Variants in MCPH1 observed in about 807,000 individuals in gnomAD.
MCPH1 encodes the protein microcephalin.
A neutral mutation model predicts 84.5 loss-of-function variants in MCPH1; 104 were observed. The observed-to-expected ratio is 1.23, with a 90% CI of 1.05 to 1.45. The LOEUF (loss-of-function observed/expected upper bound fraction) is 1.45, where lower values mean the gene tolerates loss of function less well. Among genes scored for constraint, MCPH1 ranks in the 40% most tolerant of loss-of-function variants. The pLI, the probability that MCPH1 is intolerant of heterozygous loss-of-function variation, is 0.00. For synonymous variants in MCPH1, 514 were observed against 366.8 expected, an observed-to-expected ratio of 1.40 and a Z score of -4.58; for missense variants, 1,498 against 1,005.7, an observed-to-expected ratio of 1.49 and a Z score of -6.62.
At chr8:6,419,643 C>A (rs2129552388) in intron 3 of MCPH1, among the ~76,000 whole-genome samples, 1 of 151,196 alleles carries the variant, frequency 6.6e-6, no homozygotes, top group South Asian at 2.1e-4. Flanking sequence ...ACCTTGTGAT[C>A]CACCTGCCTT....
intron 12 of MCPH1, among the ~76,000 whole-genome samples, chr8:6,604,384 T>C (rs1829596879): frequency 6.6e-6 from 1 of 152,258 alleles, no homozygotes; most frequent in Non-Finnish European, 1.5e-5. Context: ...TAGACTCCAC[T>C]ACCCTAATGA....
chr8:6,420,081 C>G (rs994630628), intron 3 of MCPH1, among the ~76,000 whole-genome samples: 2 of 151,286 alleles, frequency 1.3e-5, no homozygotes, highest in Non-Finnish European at 1.5e-5. Context: ...TCGTGTATCT[C>G]GTTTGCGTTT....
chr8:6,636,548 T>C (rs781151751), intron 13 of MCPH1, among the ~76,000 whole-genome samples: 27 of 152,130 alleles, frequency 1.8e-4, no homozygotes, highest in Non-Finnish European at 3.2e-4. Context: ...GCTGCGATCA[T>C]AGCTCATTGC....
intron 12 of MCPH1, among the ~76,000 whole-genome samples, chr8:6,561,789 ATTAT>A (rs766141016): frequency 5.3e-5 from 8 of 152,210 alleles, no homozygotes; most frequent in Admixed American, 6.5e-5. Context: ...GTGAAAAAAA[ATTAT>A]TTATGAAAGA....
At chr8:6,487,066 A>T (rs1179074020) in intron 11 of MCPH1, among the ~76,000 whole-genome samples, 1 of 152,242 alleles carries the variant, frequency 6.6e-6, no homozygotes, top group African/African-American at 2.4e-5. Context: ...GGAATAACTC[A>T]GCCTGTATTC....
chr8:6,609,819 G>GCCCCCCCCCC lies in MCPH1; in HGVS notation c.2215-11634_2215-11625dup, dbSNP rs11280683. On this transcript the variant is annotated intron_variant, in intron 12 of 13. Transcript: ENST00000344683. The stretch of plus-strand genomic sequence containing the variant: ...TCTCATTATCAAAGCAATGCCCCCC[G>GCCCCCCCCCC]CCCCCCCCCCACACACAGACTGCCA... 5.2e-4 allele frequency among the ~76,000 whole-genome samples: 54 copies of GCCCCCCCCCC among 104,056 alleles called. 7 individuals carry two copies. Among genetic ancestry groups the GCCCCCCCCCC allele is most frequent in the South Asian group, 1.3e-3 (3 of 2,224 alleles). 68.3% of individuals were successfully genotyped at this position (104,056 alleles called of 152,430 possible). A position where few individuals can be genotyped will look rare whatever the true frequency, so the allele number is the denominator to read the frequency against.
At chr8:6,585,482 T>G (rs1229941784) in intron 12 of MCPH1, among the ~76,000 whole-genome samples, 2 of 152,230 alleles carry the variant, frequency 1.3e-5, no homozygotes, top group Admixed American at 6.5e-5. Context: ...GCTGGAGCCA[T>G]TGTCGGCCGC....
rs1233094247 is a variant in MCPH1, at chr8:6,647,669, A to G, written c.*4620A>G. The G allele has an allele frequency of 6.6e-6, 1 of 152,216 alleles. No individual in the cohort carries two copies. The highest frequency in any genetic ancestry group is 2.4e-5 in the African/African-American group (1 of 41,450). 9.4% of individuals were successfully genotyped at this position (152,216 alleles called of 1,614,324 possible). A position where few individuals can be genotyped will look rare whatever the true frequency, so the allele number is the denominator to read the frequency against. Reference sequence around the variant, plus strand: ...AAAGAGGTCAGACACAAAAGACTACAAATTGTAAGATTCCATTTAGATACC... The same window carrying G: ...AAAGAGGTCAGACACAAAAGACTACGAATTGTAAGATTCCATTTAGATACC... On this transcript the variant is annotated 3_prime_UTR_variant, in exon 14 of 14. Transcript: ENST00000344683.
chr8:6,492,562 G>A (rs1223779978), intron 11 of MCPH1, among the ~76,000 whole-genome samples: 1 of 151,084 alleles, frequency 6.6e-6, no homozygotes. Flanking sequence ...CCTGTGTCCT[G>A]AATATTATTG....
Position 6,409,163 on chromosome 8 carries a change from G to A in MCPH1, c.23-116G>A, listed in dbSNP as rs1798185104. 1.1e-5 allele frequency: 9 copies of A among 853,130 alleles called. No homozygotes were observed. The East Asian group carries it at 1.8e-4, about 17-fold the overall frequency. 52.8% of individuals were successfully genotyped at this position (853,130 alleles called of 1,614,324 possible). A position where few individuals can be genotyped will look rare whatever the true frequency, so the allele number is the denominator to read the frequency against. On this transcript the variant is annotated intron_variant, in intron 1 of 13. Coordinates refer to ENST00000344683, the MANE Select transcript of MCPH1 (RefSeq NM_024596.5). ...CGCCTCCCACAGTGCTGGGATTACA[G>A]GCGTGAGCCACTGTGCCGGCCTCGG...
At chr8:6,414,349 G>A (rs1159910749) in intron 2 of MCPH1, among the ~76,000 whole-genome samples, 3 of 152,184 alleles carry the variant, frequency 2.0e-5, no homozygotes, top group South Asian at 2.1e-4. Context: ...TTTAATTTTG[G>A]TTAAATATGT....
chr8:6,520,140 A>C, intron 12 of MCPH1: 1 of 856,108 alleles, frequency 1.2e-6, no homozygotes, highest in Non-Finnish European at 1.7e-6. Context: ...CTTTCTAGAA[A>C]GTTTCCTTTC....
At chr8:6,599,411 C>T (rs1283134511) in intron 12 of MCPH1, among the ~76,000 whole-genome samples, 1 of 152,152 alleles carries the variant, frequency 6.6e-6, no homozygotes, top group African/African-American at 2.4e-5. Flanking sequence ...AATGAAAAAA[C>T]CGAGGATGTT....
At chr8:6,539,621 C>T (rs145915883) in intron 12 of MCPH1, among the ~76,000 whole-genome samples, 1 of 152,142 alleles carries the variant, frequency 6.6e-6, no homozygotes, top group African/African-American at 2.4e-5. Context: ...GAGTCTCGCT[C>T]TGTCTCTCAG....
chr8:6,576,682 ATTTT>A (rs58486084), intron 12 of MCPH1, among the ~76,000 whole-genome samples: 10 of 42,342 alleles, frequency 2.4e-4, no homozygotes, highest in Admixed American at 3.8e-4. Flanking sequence ...TAATTTTTGT[ATTTT>A]TTTTTTTTTT....
intron 8 of MCPH1, among the ~76,000 whole-genome samples, chr8:6,454,617 G>C (rs1442750348): frequency 6.6e-6 from 1 of 152,162 alleles, no homozygotes. Flanking sequence ...GTATCCTTTT[G>C]GTTTGTGTGT....
At chr8:6,517,543 C>G (rs1816497549) in intron 12 of MCPH1, among the ~76,000 whole-genome samples, 1 of 152,188 alleles carries the variant, frequency 6.6e-6, no homozygotes, top group African/African-American at 2.4e-5. Flanking sequence ...ACCAATTGAA[C>G]ATTCTTTTCT....
At chr8:6,539,306 A>C (rs561027949) in intron 12 of MCPH1, among the ~76,000 whole-genome samples, 2 of 152,246 alleles carry the variant, frequency 1.3e-5, no homozygotes, top group Non-Finnish European at 2.9e-5. Context: ...AGAAAAGCCC[A>C]TGCCAAAGCT....
In MCPH1 at chr8:6,476,024, T is replaced by C. The variant is rs186551026; in HGVS notation, c.1936-1570T>C. Among the ~76,000 whole-genome samples the C allele has an allele frequency of 1.1e-4, 17 of 152,266 alleles. No homozygotes were observed. The South Asian group carries it at 3.3e-3, about 30-fold the overall frequency. On this transcript the variant is annotated intron_variant, in intron 9 of 13. Transcript: ENST00000344683. ...TTCTGGTATGAGAAGGTTAAACTTA[T>C]CATCAAAATAGATGCCAAGGCTATA...
Sources: allele counts gnomAD v4.1 joint callset (sites outside exome capture counted in the v4.1 genomes callset), GRCh38; gene constraint gnomAD v4.1.1; transcripts MANE v1.5; gene names NCBI Gene and HGNC (gene_info 2026-07-23, HGNC 2026-07-21).